Variants in FLRT2 observed in about 807,000 individuals in gnomAD.
FLRT2 encodes leucine-rich repeat transmembrane protein FLRT2.
Under a neutral mutation model 40.0 loss-of-function variants are expected in FLRT2, and 15 were observed. That is an observed-to-expected ratio of 0.38 (90% confidence interval 0.25 to 0.58). The LOEUF (loss-of-function observed/expected upper bound fraction) is 0.58. Among genes scored for constraint, FLRT2 ranks in the 20% least tolerant of loss-of-function variants. FLRT2 has a pLI of 0.71. For missense variants in FLRT2, 726 were observed against 840.0 expected, an observed-to-expected ratio of 0.86 and a Z score of 1.68; for synonymous variants, 380 against 336.8, an observed-to-expected ratio of 1.13 and a Z score of -1.41.
intron 1 of FLRT2, among the ~76,000 whole-genome samples, chr14:85,535,963 AC>A (rs1335756988): frequency 1.6e-5 from 2 of 123,488 alleles, no homozygotes; most frequent in South Asian, 5.1e-4. Flanking sequence ...CCATGTCTTA[AC>A]ACTTCAGTAG....
At position 85,638,930 on chromosome 14, in the gene FLRT2, G is replaced by A. The variant is rs1251433869; in HGVS notation, c.*15433G>A. 1.3e-5 allele frequency: 2 copies of A among 152,112 alleles called. No homozygotes were observed. Among genetic ancestry groups the A allele is most frequent in the Non-Finnish European group, 1.5e-5 (1 of 68,028 alleles). The allele number at this position is 152,112 out of a possible 1,614,324, so 9.4% of individuals were successfully genotyped here. On this transcript the variant is annotated 3_prime_UTR_variant, in exon 2 of 2. Transcript: ENST00000330753. ...ATACAGTGCAAAAAAGCAAACAAAA[G>A]TTAGCTAATAATCAATTCTTTGAAC... is the stretch of plus-strand genomic sequence containing the variant.
rs1217680749 is a variant in FLRT2 at position 85,635,191 on chromosome 14, T to G, written c.*11694T>G. 6.6e-6 allele frequency: 1 copy of G among 152,160 alleles called. No homozygotes were observed. The highest frequency in any genetic ancestry group is 2.4e-5 in the African/African-American group (1 of 41,442). 9.4% of individuals were successfully genotyped at this position (152,160 alleles called of 1,614,324 possible). On this transcript the variant is annotated 3_prime_UTR_variant, in exon 2 of 2. Coordinates refer to ENST00000330753, the MANE Select transcript of FLRT2 (RefSeq NM_013231.6). ...AATCACAAAGAACTGTGACTTTGTA[T>G]CTGTGTGATATTATTTAATGTCCCT...
At chr14:85,530,650 C>T (rs1888218360) in intron 1 of FLRT2, 116 bp downstream of exon 1, 1 of 151,944 alleles carries the variant, frequency 6.6e-6, no homozygotes, top group Non-Finnish European at 1.5e-5. Flanking sequence ...TGGGGGTGGT[C>T]ATCTTAAGTG....
intron 1 of FLRT2, among the ~76,000 whole-genome samples, chr14:85,608,244 T>G (rs1176784986): frequency 6.6e-6 from 1 of 152,060 alleles, no homozygotes; most frequent in Non-Finnish European, 1.5e-5. Context: ...TTTTTTTCTT[T>G]TTTGAGACAG....
intron 1 of FLRT2, among the ~76,000 whole-genome samples, chr14:85,571,458 T>A (rs1595039876): frequency 6.6e-6 from 1 of 152,170 alleles, no homozygotes; most frequent in South Asian, 2.1e-4. Context: ...GATGTAGACA[T>A]AAGGAAGAAG....
chr14:85,600,316 G>A (rs770318264), intron 1 of FLRT2, among the ~76,000 whole-genome samples: 5 of 152,126 alleles, frequency 3.3e-5, no homozygotes, highest in Non-Finnish European at 7.4e-5. Context: ...GGAAATGCAG[G>A]GCTAAATTTC....
chr14:85,606,469 A>G (rs902321185), intron 1 of FLRT2, among the ~76,000 whole-genome samples: 4 of 151,366 alleles, frequency 2.6e-5, no homozygotes, highest in African/African-American at 9.7e-5. Flanking sequence ...AGCAAATCTC[A>G]AGCACGTGGC....
In FLRT2 at chr14:85,623,295, A is replaced by G. The variant is rs1893513833; in HGVS notation, c.1781A>G (p.Lys594Arg). The change falls in exon 2 of 2, where the codon AAG (lysine) becomes AGG (arginine). Residue 594 changes from lysine (K) to arginine (R), a missense_variant. By Grantham distance (26) the Lys-to-Arg change is conservative. Coordinates refer to ENST00000330753, the MANE Select transcript of FLRT2 (RefSeq NM_013231.6). The stretch of plus-strand genomic sequence containing the variant: ...GATGATTATTGCGAGGCAGGCACCA[A>G]GAAGGACAACTCCATCCTGGAGATG... ...RKDDYCEAGT[K>R]KDNSILEMTE... 6.6e-7 allele frequency: 1 copy of G among 1,517,670 alleles called. No homozygotes were observed. The allele number at this position is 1,517,670 out of a possible 1,614,324, so 94.0% of individuals were successfully genotyped here.
Position 85,535,914 on chromosome 14 carries a change from T to G in FLRT2, c.-377+5380T>G, listed in dbSNP as rs1270924206. On this transcript the variant is annotated intron_variant, in intron 1 of 1. Coordinates refer to ENST00000330753, the MANE Select transcript of FLRT2 (RefSeq NM_013231.6). ...GCTGTTTTTTTTTTTTTTTTTTTTT[T>G]TTTTTTTGTTGTTGTTGTTGTTGTT... is the stretch of plus-strand genomic sequence containing the variant. Among the ~76,000 whole-genome samples, 3 of 76,134 alleles carry G rather than the reference T, an allele frequency of 3.9e-5. No homozygotes were observed. In the East Asian group the frequency reaches 9.7e-4, roughly 25 times the overall value. The allele number at this position is 76,134 out of a possible 152,430, so 49.9% of individuals were successfully genotyped here. A position where few individuals can be genotyped will look rare whatever the true frequency, so the allele number is the denominator to read the frequency against.
intron 1 of FLRT2, among the ~76,000 whole-genome samples, chr14:85,566,456 G>GAA (rs1890617456): frequency 6.6e-6 from 1 of 151,962 alleles, no homozygotes; most frequent in Admixed American, 6.6e-5. Context: ...AAGGAATCAA[G>GAA]AAAATTATCT....
Position 85,643,095 on chromosome 14 carries a change from T to C in FLRT2, c.*19598T>C, listed in dbSNP as rs942401315. On this transcript the variant is annotated 3_prime_UTR_variant, in exon 2 of 2. Transcript: ENST00000330753. ...ATTCTCAACATGAGGGCTCCACCCT[T>C]ATGGATTAATTGCCTCCCAAAGGCC... 1 of 152,130 alleles carries C rather than the reference T, an allele frequency of 6.6e-6. No homozygotes were observed. Among genetic ancestry groups the C allele is most frequent in the Non-Finnish European group, 1.5e-5 (1 of 68,056 alleles). 9.4% of individuals were successfully genotyped at this position (152,130 alleles called of 1,614,324 possible). A position where few individuals can be genotyped will look rare whatever the true frequency, so the allele number is the denominator to read the frequency against.
chr14:85,533,459 C>G (rs1356655293), intron 1 of FLRT2, among the ~76,000 whole-genome samples: 1 of 152,040 alleles, frequency 6.6e-6, no homozygotes, highest in Non-Finnish European at 1.5e-5. Context: ...GAGCTGTCCG[C>G]ACACACGCGT....
At chr14:85,615,137 A>G (rs1198458613) in intron 1 of FLRT2, among the ~76,000 whole-genome samples, 1 of 152,178 alleles carries the variant, frequency 6.6e-6, no homozygotes. Flanking sequence ...TTGACGTGGA[A>G]AGAGGCCACC....
chr14:85,645,659 C>A lies in FLRT2; in HGVS notation c.*22162C>A, dbSNP rs1894280378. On this transcript the variant is annotated 3_prime_UTR_variant, in exon 2 of 2. Coordinates refer to ENST00000330753, the MANE Select transcript of FLRT2 (RefSeq NM_013231.6). ...ATTCATGCCACATGTTATTTCTTTT[C>A]AGAAGATCTTCCTAGTTGAGGAATC... The A allele has an allele frequency of 6.6e-6, 1 of 152,262 alleles. No homozygotes were observed. Among genetic ancestry groups the A allele is most frequent in the African/African-American group, 2.4e-5 (1 of 41,558 alleles). 9.4% of individuals were successfully genotyped at this position (152,262 alleles called of 1,614,324 possible).
At chr14:85,583,805 A>C (rs931295909) in intron 1 of FLRT2, among the ~76,000 whole-genome samples, 9 of 152,138 alleles carry the variant, frequency 5.9e-5, no homozygotes, top group Non-Finnish European at 1.5e-5. Context: ...ACTAATCAGA[A>C]TCTGAAAGTG....
At position 85,651,599 on chromosome 14, in the gene FLRT2, T is replaced by G. The variant is rs1027351121; in HGVS notation, c.*28102T>G. 5 of 152,132 alleles carry G rather than the reference T, an allele frequency of 3.3e-5. No homozygotes were observed. Among genetic ancestry groups the G allele is most frequent in the African/African-American group, 4.8e-5 (2 of 41,456 alleles). 9.4% of individuals were successfully genotyped at this position (152,132 alleles called of 1,614,324 possible). A position where few individuals can be genotyped will look rare whatever the true frequency, so the allele number is the denominator to read the frequency against. On this transcript the variant is annotated 3_prime_UTR_variant, in exon 2 of 2. Coordinates refer to ENST00000330753, the MANE Select transcript of FLRT2 (RefSeq NM_013231.6). The stretch of plus-strand genomic sequence containing the variant: ...TAATTAAGCAGTGACCCACTTAATT[T>G]CTCAGAAGTACATTTTGTTTTATTG...
At chr14:85,616,581 T>A (rs140215087) in intron 1 of FLRT2, among the ~76,000 whole-genome samples, 24 of 152,314 alleles carry the variant, frequency 1.6e-4, no homozygotes, top group African/African-American at 5.8e-4. Context: ...GCAGCTTGGA[T>A]CTGTGTGCAG....
rs1595106738 is a variant in FLRT2, at chr14:85,631,554, T to A, written c.*8057T>A. The A allele has an allele frequency of 6.6e-6, 1 of 152,148 alleles. No individual in the cohort carries two copies. Among genetic ancestry groups the A allele is most frequent in the East Asian group, 1.9e-4 (1 of 5,172 alleles). 9.4% of individuals were successfully genotyped at this position (152,148 alleles called of 1,614,324 possible). A position where few individuals can be genotyped will look rare whatever the true frequency, so the allele number is the denominator to read the frequency against. On this transcript the variant is annotated 3_prime_UTR_variant, in exon 2 of 2. Coordinates refer to ENST00000330753, the MANE Select transcript of FLRT2 (RefSeq NM_013231.6). ...GCTTATGGCCAGATGGCTCTTTTTT[T>A]AATAGCCCCAGAAAGAGCTGTGGAG... is the stretch of plus-strand genomic sequence containing the variant.
At chr14:85,604,852 G>C (rs1387353082) in intron 1 of FLRT2, among the ~76,000 whole-genome samples, 2 of 152,178 alleles carry the variant, frequency 1.3e-5, no homozygotes, top group Non-Finnish European at 2.9e-5. Flanking sequence ...GAGGGGTGAA[G>C]TGGGTGGGGG....
Sources: allele counts gnomAD v4.1 joint callset (sites outside exome capture counted in the v4.1 genomes callset), GRCh38; gene constraint gnomAD v4.1.1; transcripts MANE v1.5; gene names NCBI Gene and HGNC (gene_info 2026-07-23, HGNC 2026-07-21).